FRMD4A: variants seen among roughly 807,000 people sequenced by gnomAD.
The protein encoded by FRMD4A is FERM domain-containing protein 4A.
FRMD4A carries 29 observed loss-of-function variants against 129.1 expected under a neutral mutation model. That is an observed-to-expected ratio of 0.22 (90% CI 0.17 to 0.31). FRMD4A has a LOEUF of 0.31. FRMD4A is among the 10% of genes least tolerant of loss of function. The pLI, the probability that FRMD4A is intolerant of heterozygous loss-of-function variation, is 1.00. For missense variants in FRMD4A, 1,272 were observed against 1,375.8 expected (o/e 0.92, Z 1.19); for synonymous variants, 634 against 571.6 (o/e 1.11, Z -1.56).
At chr10:13,707,957 G>C (rs2087638070) in intron 12 of FRMD4A, 1 of 910,032 alleles carries the variant, frequency 1.1e-6, no homozygotes, top group Admixed American at 6.2e-5. Flanking sequence ...CAGGAACGGG[G>C]TTCCTTTCAT....
At position 13,657,060 on chromosome 10, in the gene FRMD4A, GC is replaced by G; in HGVS notation, c.2528del (p.Gly843AlafsTer54). 1 of 1,573,630 alleles carries G rather than the reference GC, an allele frequency of 6.4e-7. No homozygotes were observed. Among genetic ancestry groups the G allele is most frequent in the Non-Finnish European group, 8.6e-7 (1 of 1,166,412 alleles). Reference protein sequence around the residue: ...RIKEYPLYIEGGATPVVVRSL... With the variant: ...RIKEYPLYIEXGATPVVVRSL... The stretch of plus-strand genomic sequence containing the variant: ...TGCGCACCACCACGGGCGTGGCGCC[GC>G]CCTCGATGTACAGCGGGTACTCCTT... On this transcript the variant is annotated frameshift_variant, in exon 22 of 25. Transcript: ENST00000357447. LOFTEE classifies it high-confidence loss of function.
chr10:14,054,171 A>G (rs981501599), intron 2 of FRMD4A, among the ~76,000 whole-genome samples: 1 of 152,036 alleles, frequency 6.6e-6, no homozygotes, highest in African/African-American at 2.4e-5. Flanking sequence ...TCTCTTAACA[A>G]AAAAGACCCC....
At chr10:14,136,019 TG>T (rs1319520522) in intron 2 of FRMD4A, among the ~76,000 whole-genome samples, 2 of 152,362 alleles carry the variant, frequency 1.3e-5, no homozygotes, top group East Asian at 3.9e-4. Context: ...CCTGACTCTC[TG>T]GCTGCCATGT....
intron 4 of FRMD4A, among the ~76,000 whole-genome samples, chr10:13,797,014 C>T (rs770504739): frequency 3.3e-5 from 5 of 152,184 alleles, no homozygotes; most frequent in Admixed American, 2.0e-4. Flanking sequence ...GCCACTGTGC[C>T]CGGCCACCTT....
chr10:14,241,683 T>TAAAAAAAAAAAAAAA (rs71388168), intron 2 of FRMD4A, among the ~76,000 whole-genome samples: 2 of 23,416 alleles, frequency 8.5e-5, no homozygotes, highest in South Asian at 1.9e-3. Flanking sequence ...TTACCCTCCC[T>TAAAAAAAAAAAAAAA]AAAAAAAAAA....
intron 2 of FRMD4A, among the ~76,000 whole-genome samples, chr10:14,109,848 T>A (rs983666359): frequency 6.6e-6 from 1 of 151,708 alleles, no homozygotes; most frequent in African/African-American, 2.4e-5. Context: ...GGCGGGCGCC[T>A]GTAATCCCAG....
intron 2 of FRMD4A, among the ~76,000 whole-genome samples, chr10:14,030,097 G>A (rs1359686377): frequency 1.3e-5 from 2 of 152,184 alleles, no homozygotes; most frequent in East Asian, 3.8e-4. Context: ...TCCAGGAGCT[G>A]GAGGAGGGGG....
In FRMD4A at chr10:13,657,142, G is replaced by T; in HGVS notation, c.2447C>A (p.Ala816Glu). 8.1e-6 allele frequency: 6 copies of T among 737,606 alleles called. No individual in the cohort carries two copies. The highest frequency in any genetic ancestry group is 9.7e-6 in the Non-Finnish European group (5 of 513,436). 45.7% of individuals were successfully genotyped at this position (737,606 alleles called of 1,614,324 possible). A position where few individuals can be genotyped will look rare whatever the true frequency, so the allele number is the denominator to read the frequency against. The stretch of plus-strand genomic sequence containing the variant: ...GCTGTGCAGGTACACACCGCCCCCC[G>T]CGCCCCCCGCGCCCCCCGCACCCCC... ...ARGGAGGAGG[A>E]GGGVYLHSQS... Residue 816 changes from alanine to glutamate, a missense_variant, in exon 22 of 25, where the codon GCG becomes GAG. This residue lies in a region of FRMD4A where 972 missense variants were observed against 892.3 expected (regional missense o/e 1.09). Coordinates refer to ENST00000357447, the MANE Select transcript of FRMD4A (RefSeq NM_018027.5).
At chr10:13,959,208 C>T (rs2095430107) in intron 2 of FRMD4A, among the ~76,000 whole-genome samples, 1 of 152,004 alleles carries the variant, frequency 6.6e-6, no homozygotes, top group African/African-American at 2.4e-5. Context: ...TGCGGAGGGT[C>T]ACACCTTGTA....
At chr10:13,842,608 A>G (rs73583983) in intron 3 of FRMD4A, among the ~76,000 whole-genome samples, 2,591 of 152,368 alleles carry the variant, frequency 0.017, 91 homozygotes, top group African/African-American at 0.058. Flanking sequence ...ACCGGATCTG[A>G]CTTTGCACAA....
intron 12 of FRMD4A, among the ~76,000 whole-genome samples, chr10:13,711,329 A>G (rs529936734): frequency 1.3e-5 from 2 of 152,308 alleles, no homozygotes; most frequent in Admixed American, 6.5e-5. Context: ...CAAATCAACA[A>G]ACAGGAGATG....
At chr10:13,652,115 T>C (rs2081669570) in intron 23 of FRMD4A, 141 bp from the exon 24 acceptor site, 5 of 683,300 alleles carry the variant, frequency 7.3e-6, no homozygotes, top group African/African-American at 1.7e-5. Flanking sequence ...CAACAGATCA[T>C]ACAAGTCATG....
At position 13,701,467 on chromosome 10, in the gene FRMD4A, G is replaced by C. The variant is rs1487409598; in HGVS notation, c.848C>G (p.Thr283Arg). The C allele has an allele frequency of 6.2e-7, 1 of 1,613,366 alleles. No individual in the cohort carries two copies. The highest frequency in any genetic ancestry group is 8.5e-7 in the Non-Finnish European group (1 of 1,179,576). ...EVHDPRRASV[T>R]RRTFGHSGIA... ...GCCGCTGTGCCCAAACGTCCTCCTT[G>C]TCACTGAAGCCCTGGGGAAGCAAGA... The change falls in exon 14 of 25, where the codon ACA becomes AGA. Residue 283 changes from threonine (T) to arginine (R), a missense_variant. This residue lies in a region of FRMD4A where 300 missense variants were observed against 483.6 expected (regional missense o/e 0.62). Coordinates refer to ENST00000357447, the MANE Select transcript of FRMD4A (RefSeq NM_018027.5).
At chr10:14,162,605 T>C (rs575990736) in intron 2 of FRMD4A, among the ~76,000 whole-genome samples, 1 of 151,888 alleles carries the variant, frequency 6.6e-6, no homozygotes, top group Non-Finnish European at 1.5e-5. Context: ...TCCCAGCCAA[T>C]TGAACACGAG....
intron 2 of FRMD4A, among the ~76,000 whole-genome samples, chr10:14,233,338 G>A (rs1316742322): frequency 6.6e-6 from 1 of 152,232 alleles, no homozygotes; most frequent in Non-Finnish European, 1.5e-5. Flanking sequence ...GGGAGGCCGA[G>A]GAGGGCAGAT....
At chr10:13,742,509 G>T (rs1469962842) in intron 9 of FRMD4A, among the ~76,000 whole-genome samples, 3 of 152,182 alleles carry the variant, frequency 2.0e-5, no homozygotes, top group Non-Finnish European at 4.4e-5. Flanking sequence ...GATCTCAATA[G>T]AGGATCTTTA....
Position 14,009,988 on chromosome 10 carries a change from G to C in FRMD4A, c.46-151076C>G, listed in dbSNP as rs193123761. 5.9e-5 allele frequency among the ~76,000 whole-genome samples: 9 copies of C among 152,312 alleles called. No individual in the cohort carries two copies. In the East Asian group the frequency reaches 1.4e-3, roughly 23 times the overall value. On this transcript the variant is annotated intron_variant, in intron 2 of 24. Coordinates refer to ENST00000357447, the MANE Select transcript of FRMD4A (RefSeq NM_018027.5). Reference sequence around the variant, plus strand: ...ATACCCGATGATTGAGCCAAAGCAAGAGAAACTCATTTCTTTGTAAAACTG... The same window carrying C: ...ATACCCGATGATTGAGCCAAAGCAACAGAAACTCATTTCTTTGTAAAACTG...
chr10:14,013,735 G>A (rs1302825365), intron 2 of FRMD4A, among the ~76,000 whole-genome samples: 1 of 151,960 alleles, frequency 6.6e-6, no homozygotes, highest in Non-Finnish European at 1.5e-5. Flanking sequence ...AGTTCAAGAC[G>A]AGCCTGACCA....
At chr10:13,991,781 GTTATAGGAT>G (rs1565162579) in intron 2 of FRMD4A, 1 of 152,710 alleles carries the variant, frequency 6.5e-6, no homozygotes, top group East Asian at 1.9e-4. Flanking sequence ...AGAAGAGAAG[GTTATAGGAT>G]TCCATGCTGC....
Sources: gnomAD v4.1 joint callset for allele counts (sites outside exome capture counted in the v4.1 genomes callset) on GRCh38, gnomAD v4.1.1 for gene constraint, gnomAD v4.1.1 regional missense constraint, MANE v1.5 for transcripts, NCBI Gene and HGNC (gene_info 2026-07-23, HGNC 2026-07-21) for gene names.